PAPSS1: variants seen among roughly 807,000 people sequenced by gnomAD.
PAPSS1 encodes 3'-phosphoadenosine 5'-phosphosulfate synthase 1.
Under a neutral mutation model 72.0 loss-of-function variants are expected in PAPSS1, and 50 were observed. The observed-to-expected ratio is 0.69, with a 90% CI of 0.55 to 0.88. The LOEUF (loss-of-function observed/expected upper bound fraction) is 0.88, where lower values mean the gene tolerates loss of function less well. PAPSS1 is among the 40% of genes least tolerant of loss of function. The pLI, the probability that PAPSS1 is intolerant of heterozygous loss-of-function variation, is 0.00. For missense variants in PAPSS1, 657 were observed against 782.2 expected (o/e 0.84, Z 1.91); for synonymous variants, 261 against 263.6 (o/e 0.99, Z 0.09).
intron 10 of PAPSS1, among the ~76,000 whole-genome samples, chr4:107,644,476 G>C (rs906939527): frequency 4.6e-5 from 7 of 152,170 alleles, no homozygotes; most frequent in Non-Finnish European, 8.8e-5. Context: ...TGTTGTTGTT[G>C]TGTCTGCAAT....
intron 4 of PAPSS1, among the ~76,000 whole-genome samples, chr4:107,686,073 T>C (rs1001831524): frequency 6.6e-6 from 1 of 152,240 alleles, no homozygotes; most frequent in Non-Finnish European, 1.5e-5. Context: ...TCAAGGGATG[T>C]CTACAAGATA....
At chr4:107,621,111 T>C (rs1343928343) in intron 11 of PAPSS1, among the ~76,000 whole-genome samples, 1 of 152,062 alleles carries the variant, frequency 6.6e-6, no homozygotes, top group African/African-American at 2.4e-5. Context: ...AGGAGATCGA[T>C]GCTACCTGCC....
intron 10 of PAPSS1, among the ~76,000 whole-genome samples, chr4:107,642,439 A>T (rs1726573460): frequency 6.6e-6 from 1 of 152,098 alleles, no homozygotes; most frequent in Admixed American, 6.5e-5. Context: ...AATAGTACCT[A>T]CCCTCTTAGT....
At chr4:107,674,603 T>C (rs1291649897) in intron 5 of PAPSS1, among the ~76,000 whole-genome samples, 1 of 152,158 alleles carries the variant, frequency 6.6e-6, no homozygotes, top group East Asian at 1.9e-4. Flanking sequence ...AACACCTCAC[T>C]GTCAACATTA....
chr4:107,690,754 C>T (rs143617999), intron 3 of PAPSS1, among the ~76,000 whole-genome samples: 315 of 152,248 alleles, frequency 2.1e-3, no homozygotes, highest in African/African-American at 7.3e-3. Flanking sequence ...GTCCAAACCT[C>T]ATTATCAGTG....
At chr4:107,635,368 G>T (rs180897689) in intron 10 of PAPSS1, among the ~76,000 whole-genome samples, 204 of 152,210 alleles carry the variant, frequency 1.3e-3, no homozygotes, top group Non-Finnish European at 2.2e-3. Flanking sequence ...GTATACATTT[G>T]CTGATCTTTT....
At chr4:107,663,286 G>C (rs1390996565) in intron 5 of PAPSS1, among the ~76,000 whole-genome samples, 1 of 152,034 alleles carries the variant, frequency 6.6e-6, no homozygotes, top group Non-Finnish European at 1.5e-5. Context: ...AGTAAAAAAA[G>C]AGGGCAAAGT....
intron 3 of PAPSS1, among the ~76,000 whole-genome samples, chr4:107,687,432 CA>C (rs1439570785): frequency 6.6e-6 from 1 of 152,160 alleles, no homozygotes. Context: ...GAATGTACCA[CA>C]AACTTTTTCA....
chr4:107,692,750 G>C (rs543201221), intron 3 of PAPSS1, among the ~76,000 whole-genome samples: 40 of 151,414 alleles, frequency 2.6e-4, no homozygotes, highest in Middle Eastern at 3.4e-3. Flanking sequence ...GCCCATCAAC[G>C]ATAGACTGGA....
chr4:107,652,485 A>T (rs929819692), intron 9 of PAPSS1, among the ~76,000 whole-genome samples: 1 of 152,214 alleles, frequency 6.6e-6, no homozygotes, highest in African/African-American at 2.4e-5. Flanking sequence ...AGAAAGCAGT[A>T]TTATAAAGAA....
intron 3 of PAPSS1, among the ~76,000 whole-genome samples, chr4:107,690,570 T>C (rs191104028): frequency 4.0e-4 from 61 of 152,342 alleles, no homozygotes; most frequent in African/African-American, 1.4e-3. Context: ...GAATAGGAAG[T>C]ATCAGGTTAA....
intron 3 of PAPSS1, among the ~76,000 whole-genome samples, chr4:107,693,354 G>C (rs1578426796): frequency 6.6e-6 from 1 of 152,118 alleles, no homozygotes; most frequent in African/African-American, 2.4e-5. Flanking sequence ...TAAAATAAGA[G>C]GAACTATGAT....
chr4:107,669,014 G>A (rs1450713755), intron 5 of PAPSS1, among the ~76,000 whole-genome samples: 2 of 152,012 alleles, frequency 1.3e-5, no homozygotes, highest in East Asian at 1.9e-4. Flanking sequence ...AAGCAACATG[G>A]TACTTGATAT....
intron 1 of PAPSS1, among the ~76,000 whole-genome samples, chr4:107,714,585 A>T (rs1474326616): frequency 6.6e-6 from 1 of 152,186 alleles, no homozygotes; most frequent in Non-Finnish European, 1.5e-5. Flanking sequence ...AAATGCCACA[A>T]CAATTGGATT....
At chr4:107,645,201 C>A (rs1726660190) in intron 9 of PAPSS1, 131 bp from the exon 10 acceptor site, 3 of 475,486 alleles carry the variant, frequency 6.3e-6, no homozygotes, top group African/African-American at 5.7e-5. Context: ...AATCAGAAAA[C>A]TGGTAAAAAA....
At chr4:107,666,128 G>C (rs1054398043) in intron 5 of PAPSS1, among the ~76,000 whole-genome samples, 3 of 152,196 alleles carry the variant, frequency 2.0e-5, no homozygotes, top group Non-Finnish European at 2.9e-5. Flanking sequence ...GAGCTGCAAA[G>C]TCTGGCTTTT....
intron 5 of PAPSS1, among the ~76,000 whole-genome samples, chr4:107,672,990 A>G (rs901968758): frequency 6.6e-6 from 1 of 152,252 alleles, no homozygotes; most frequent in African/African-American, 2.4e-5. Context: ...ACAGACCTGC[A>G]GCTGAGGGTC....
At chr4:107,651,204 A>G (rs1726830980) in intron 9 of PAPSS1, among the ~76,000 whole-genome samples, 1 of 152,208 alleles carries the variant, frequency 6.6e-6, no homozygotes, top group Non-Finnish European at 1.5e-5. Context: ...AAAAACCCTA[A>G]AGAAGCCACG....
At chr4:107,639,872 T>C (rs910196841) in intron 10 of PAPSS1, among the ~76,000 whole-genome samples, 1 of 152,228 alleles carries the variant, frequency 6.6e-6, no homozygotes, top group African/African-American at 2.4e-5. Context: ...CATGTCATAG[T>C]ATGTTCTACT....
Sources: allele counts gnomAD v4.1 joint callset (sites outside exome capture counted in the v4.1 genomes callset), GRCh38; gene constraint gnomAD v4.1.1; transcripts MANE v1.5; gene names NCBI Gene and HGNC (gene_info 2026-07-23, HGNC 2026-07-21).